Variants in DCC observed in about 807,000 individuals in gnomAD.
DCC encodes netrin receptor DCC.
DCC carries 58 observed loss-of-function variants against 172.5 expected under a neutral mutation model. The observed-to-expected ratio is 0.34, with a 90% CI of 0.27 to 0.42. DCC has a LOEUF of 0.42. DCC is among the 10% of genes least tolerant of loss of function. The pLI is 1.00. For missense variants in DCC, 1,740 were observed against 1,791.0 expected (o/e 0.97, Z 0.51); for synonymous variants, 709 against 644.5 (o/e 1.10, Z -1.52).
At chr18:53,049,844 G>A (rs2042310468) in intron 5 of DCC, among the ~76,000 whole-genome samples, 1 of 152,034 alleles carries the variant, frequency 6.6e-6, no homozygotes, top group Non-Finnish European at 1.5e-5. Context: ...ATATATGAAA[G>A]GGAGTTAATT....
intron 1 of DCC, among the ~76,000 whole-genome samples, chr18:52,708,061 C>T (rs2036237806): frequency 6.6e-6 from 1 of 152,144 alleles, no homozygotes; most frequent in Admixed American, 6.5e-5. Flanking sequence ...TTTGATGTAG[C>T]CATTCCATTA....
chr18:53,467,012 A>G (rs2063756325), intron 24 of DCC, among the ~76,000 whole-genome samples: 1 of 152,194 alleles, frequency 6.6e-6, no homozygotes, highest in South Asian at 2.1e-4. Flanking sequence ...TAAAAAATAA[A>G]AAGAATAAAA....
At chr18:52,861,032 T>C (rs958790614) in intron 2 of DCC, among the ~76,000 whole-genome samples, 1 of 131,164 alleles carries the variant, frequency 7.6e-6, no homozygotes, top group African/African-American at 2.7e-5. Flanking sequence ...AAAAAAAAAA[T>C]TTTGGCTTCA....
intron 27 of DCC, among the ~76,000 whole-genome samples, chr18:53,514,305 T>G (rs978600052): frequency 6.6e-6 from 1 of 151,638 alleles, no homozygotes; most frequent in African/African-American, 2.4e-5. Flanking sequence ...CAAAGCAGTG[T>G]GTAGAGGGAA....
chr18:52,372,832 T>C (rs573867958), intron 1 of DCC, among the ~76,000 whole-genome samples: 1 of 152,296 alleles, frequency 6.6e-6, no homozygotes, highest in South Asian at 2.1e-4. Context: ...GGGGCAGCTT[T>C]GGGATCACTT....
At chr18:53,175,706 T>C (rs900726172) in intron 8 of DCC, among the ~76,000 whole-genome samples, 2 of 152,290 alleles carry the variant, frequency 1.3e-5, no homozygotes, top group African/African-American at 4.8e-5. Context: ...GAACATTCCA[T>C]GCTCATGGGT....
At chr18:52,776,496 G>A (rs77911615) in intron 2 of DCC, among the ~76,000 whole-genome samples, 8,041 of 152,130 alleles carry the variant, frequency 0.053, 289 homozygotes, top group South Asian at 0.16. Flanking sequence ...GAGTTCTAGA[G>A]TATCCGGGTA....
intron 1 of DCC, among the ~76,000 whole-genome samples, chr18:52,683,168 TTGTC>T (rs766966110): frequency 1.1e-4 from 16 of 152,132 alleles, no homozygotes; most frequent in Non-Finnish European, 1.6e-4. Flanking sequence ...TTGCAAGTCT[TTGTC>T]TGTTTGACCT....
intron 13 of DCC, among the ~76,000 whole-genome samples, chr18:53,321,472 A>G (rs946272325): frequency 6.6e-6 from 1 of 152,142 alleles, no homozygotes; most frequent in Non-Finnish European, 1.5e-5. Context: ...TAATGTGATC[A>G]TTGTGCACAA....
chr18:52,861,085 G>A (rs2039135640), intron 2 of DCC, among the ~76,000 whole-genome samples: 1 of 151,254 alleles, frequency 6.6e-6, no homozygotes, highest in Admixed American at 6.6e-5. Flanking sequence ...ACTTTTAAAA[G>A]CCTCTAAAGT....
intron 1 of DCC, among the ~76,000 whole-genome samples, chr18:52,360,555 G>T (rs1984574220): frequency 6.6e-6 from 1 of 152,194 alleles, no homozygotes; most frequent in Non-Finnish European, 1.5e-5. Flanking sequence ...TGGTCTTGCA[G>T]GCTTTGAGTT....
At chr18:52,604,318 C>T (rs2034085291) in intron 1 of DCC, among the ~76,000 whole-genome samples, 1 of 152,094 alleles carries the variant, frequency 6.6e-6, no homozygotes, top group Non-Finnish European at 1.5e-5. Context: ...TCTCAAGGAA[C>T]AGGGAACATC....
At chr18:52,534,619 T>A (rs2032239021) in intron 1 of DCC, among the ~76,000 whole-genome samples, 1 of 152,100 alleles carries the variant, frequency 6.6e-6, no homozygotes, top group Non-Finnish European at 1.5e-5. Flanking sequence ...AAGACTAACA[T>A]AGCTAAGGTC....
chr18:53,255,619 G>A (rs566147919), intron 12 of DCC, among the ~76,000 whole-genome samples: 3 of 152,140 alleles, frequency 2.0e-5, no homozygotes, highest in Non-Finnish European at 4.4e-5. Flanking sequence ...TATCATGGTT[G>A]GACATTTGGA....
At chr18:52,580,654 A>G (rs2033524259) in intron 1 of DCC, among the ~76,000 whole-genome samples, 1 of 152,230 alleles carries the variant, frequency 6.6e-6, no homozygotes. Context: ...AAGACTATGG[A>G]TGCCTGGAAG....
At chr18:52,387,118 G>GA (rs1351106998) in intron 1 of DCC, among the ~76,000 whole-genome samples, 1 of 152,104 alleles carries the variant, frequency 6.6e-6, no homozygotes, top group Non-Finnish European at 1.5e-5. Flanking sequence ...ACTTTCAATT[G>GA]AAATAGACAC....
At chr18:53,295,485 A>G (rs1204403724) in intron 12 of DCC, among the ~76,000 whole-genome samples, 1 of 152,170 alleles carries the variant, frequency 6.6e-6, no homozygotes, top group Non-Finnish European at 1.5e-5. Flanking sequence ...TTTATGTTCT[A>G]GCTTGAAATT....
intron 1 of DCC, among the ~76,000 whole-genome samples, chr18:52,622,617 G>T (rs1223262788): frequency 6.6e-6 from 1 of 151,178 alleles, no homozygotes; most frequent in Non-Finnish European, 1.5e-5. Context: ...CAAATATTTC[G>T]GTTCATTAGG....
At chr18:53,230,370 C>A (rs1025965426) in intron 12 of DCC, among the ~76,000 whole-genome samples, 1 of 151,962 alleles carries the variant, frequency 6.6e-6, no homozygotes, top group African/African-American at 2.4e-5. Flanking sequence ...TTATTTCAGC[C>A]TTTCAAAAAT....
Sources: gnomAD v4.1 joint callset for allele counts (sites outside exome capture counted in the v4.1 genomes callset) on GRCh38, gnomAD v4.1.1 for gene constraint, MANE v1.5 for transcripts, NCBI Gene and HGNC (gene_info 2026-07-23, HGNC 2026-07-21) for gene names.